ZNF17: variants seen among roughly 807,000 people sequenced by gnomAD.
ZNF17 encodes zinc finger protein 17, also known as zinc finger protein 17 (HPF3, KOX 10).
In ZNF17, 4 loss-of-function variants were observed where a neutral mutation model predicts 7.7. The ratio of observed to expected loss-of-function variants is 0.52; its 90% CI spans 0.26 to 1.20. ZNF17 has a LOEUF of 1.20. Ranked by LOEUF, ZNF17 falls within the 50% of genes most tolerant of loss-of-function variation. The pLI is 0.14. For synonymous variants in ZNF17, 249 were observed against 258.8 expected (o/e 0.96, Z 0.36); for missense variants, 738 against 799.5 (o/e 0.92, Z 0.93).
chr19:57,414,003 A>G (rs192775025), intron 2 of ZNF17, among the ~76,000 whole-genome samples: 1 of 152,032 alleles, frequency 6.6e-6, no homozygotes, highest in Non-Finnish European at 1.5e-5. Flanking sequence ...CAGGCATGGA[A>G]TGGCAGCCTG....
At chr19:57,418,641 A>G (rs1173627350) in intron 3 of ZNF17, among the ~76,000 whole-genome samples, 2 of 152,240 alleles carry the variant, frequency 1.3e-5, no homozygotes, top group South Asian at 4.2e-4. Flanking sequence ...ACATTACTCC[A>G]TTGAAGGCAA....
intron 3 of ZNF17, among the ~76,000 whole-genome samples, chr19:57,418,319 C>G (rs777579417): frequency 6.6e-6 from 1 of 152,294 alleles, no homozygotes; most frequent in Non-Finnish European, 1.5e-5. Context: ...TTAGTTTACT[C>G]TGTCCAAATG....
rs770720590 is a variant in ZNF17, at chr19:57,421,293, G to A, written c.1807G>A (p.Glu603Lys). Residue 603 changes from glutamate to lysine, a missense_variant, in exon 4 of 4, where the codon GAG (glutamate) becomes AAG (lysine). Physicochemically the swap from Glu to Lys is moderately conservative, Grantham distance 56. This residue lies in a region of ZNF17 where 116 missense variants were observed against 114.0 expected (regional missense o/e 1.02). Transcript: ENST00000307658. ...GGACAGCTCCACACTCATTAGTCAT[G>A]AGAGAGTTCATACTGGAGAAAAGCC... The part of the protein sequence containing the change: ...FMDSSTLISH[E>K]RVHTGEKPYE... 5 of 1,607,088 alleles carry A rather than the reference G, an allele frequency of 3.1e-6. No individual in the cohort carries two copies. Among genetic ancestry groups the A allele is most frequent in the Non-Finnish European group, 4.2e-6 (5 of 1,177,338 alleles).
chr19:57,420,284 C>G lies in ZNF17; in HGVS notation c.798C>G (p.His266Gln), dbSNP rs769495647. 6 of 1,613,992 alleles carry G rather than the reference C, an allele frequency of 3.7e-6. No individual in the cohort carries two copies. Among genetic ancestry groups the G allele is most frequent in the Non-Finnish European group, 5.1e-6 (6 of 1,180,002 alleles). ...AFSLKYNVVQ[H>Q]QKIHTGERPY... is the part of the protein sequence containing the mutation. Reference sequence around the variant, plus strand: ...GCCTCAAATACAATGTTGTTCAACACCAGAAAATTCACACTGGAGAAAGGC... The same window carrying G: ...GCCTCAAATACAATGTTGTTCAACAGCAGAAAATTCACACTGGAGAAAGGC... Residue 266 changes from histidine to glutamine, a missense_variant, in exon 4 of 4, where the codon CAC becomes CAG. His to Gln is a conservative substitution (Grantham distance 24). This residue lies in a region of ZNF17 where 616 missense variants were observed against 663.9 expected (regional missense o/e 0.93). Coordinates refer to ENST00000307658, the MANE Select transcript of ZNF17 (RefSeq NM_001330617.2).
In ZNF17 at chr19:57,421,290, C is replaced by T; in HGVS notation, c.1804C>T (p.His602Tyr). 6.2e-7 allele frequency: 1 copy of T among 1,614,044 alleles called. No homozygotes were observed. The change falls in exon 4 of 4, where the codon CAT becomes TAT. Residue 602 changes from histidine to tyrosine, a missense_variant. By Grantham distance (83) the His-to-Tyr change is moderately conservative. Around this residue, in one of 3 missense-constraint regions of ZNF17, gnomAD observed 116 missense variants for 114.0 expected, o/e 1.02. Coordinates refer to ENST00000307658, the MANE Select transcript of ZNF17 (RefSeq NM_001330617.2). Reference protein sequence around the residue: ...FFMDSSTLISHERVHTGEKPY... With the variant: ...FFMDSSTLISYERVHTGEKPY... ...TATGGACAGCTCCACACTCATTAGT[C>T]ATGAGAGAGTTCATACTGGAGAAAA...
intron 1 of ZNF17, among the ~76,000 whole-genome samples, chr19:57,412,210 C>T (rs1255127401): frequency 1.3e-5 from 2 of 152,144 alleles, no homozygotes; most frequent in Non-Finnish European, 2.9e-5. Flanking sequence ...TAGATTTCTG[C>T]ACCTGCAGAC....
intron 2 of ZNF17, 32 bp downstream of exon 2, chr19:57,413,668 T>C: frequency 1.3e-6 from 2 of 1,535,904 alleles, no homozygotes. Context: ...CTTTCACCCA[T>C]CCCAGATGGT....
intron 2 of ZNF17, among the ~76,000 whole-genome samples, chr19:57,413,844 T>A (rs2088794088): frequency 6.6e-6 from 1 of 152,150 alleles, no homozygotes; most frequent in African/African-American, 2.4e-5. Flanking sequence ...GTTTGAGATT[T>A]GGCAAGGCAT....
chr19:57,420,623 G>C lies in ZNF17; in HGVS notation c.1137G>C (p.Gln379His), dbSNP rs761608323. The change falls in exon 4 of 4, where the codon CAG becomes CAC. Residue 379 changes from glutamine to histidine, a missense_variant. Gln to His is a conservative substitution (Grantham distance 24). This residue lies in a region of ZNF17 where 616 missense variants were observed against 663.9 expected (regional missense o/e 0.93). Transcript: ENST00000307658. ...FMDSCTLIIH[Q>H]RVHTGEKPYE... The stretch of plus-strand genomic sequence containing the variant: ...ACAGCTGCACACTCATTATTCACCA[G>C]AGAGTTCATACTGGAGAAAAACCTT... 1.2e-6 allele frequency: 2 copies of C among 1,613,442 alleles called. No individual in the cohort carries two copies. The highest frequency in any genetic ancestry group is 1.7e-6 in the Non-Finnish European group (2 of 1,179,440).
At chr19:57,417,373 G>A (rs2088817241) in intron 2 of ZNF17, among the ~76,000 whole-genome samples, 1 of 152,120 alleles carries the variant, frequency 6.6e-6, no homozygotes, top group African/African-American at 2.4e-5. Flanking sequence ...CCCTCCTTTT[G>A]TGGTACAAGC....
chr19:57,411,210 T>G lies in ZNF17; in HGVS notation c.-217T>G. 1 of 839,536 alleles carries G rather than the reference T, an allele frequency of 1.2e-6. No individual in the cohort carries two copies. Among genetic ancestry groups the G allele is most frequent in the Non-Finnish European group, 1.8e-6 (1 of 553,394 alleles). 52.0% of individuals were successfully genotyped at this position (839,536 alleles called of 1,614,324 possible). A position where few individuals can be genotyped will look rare whatever the true frequency, so the allele number is the denominator to read the frequency against. On this transcript the variant is annotated 5_prime_UTR_variant, in exon 1 of 4. Coordinates refer to ENST00000307658, the MANE Select transcript of ZNF17 (RefSeq NM_001330617.2). ...ATGGCTGCGTTGGGATCTGTTCACC[T>G]TCAGGCTGAGTCGAGACTGAGGTGA... is the stretch of plus-strand genomic sequence containing the variant.
chr19:57,416,674 T>A (rs774008360), intron 2 of ZNF17, among the ~76,000 whole-genome samples: 29 of 151,684 alleles, frequency 1.9e-4, no homozygotes, highest in Middle Eastern at 6.8e-3. Flanking sequence ...CATGCCCGGC[T>A]AATTTTTGTA....
At chr19:57,412,699 C>T (rs965557382) in intron 1 of ZNF17, among the ~76,000 whole-genome samples, 1 of 152,168 alleles carries the variant, frequency 6.6e-6, no homozygotes, top group African/African-American at 2.4e-5. Context: ...ACGCCTCAGC[C>T]TCCCAAAGTG....
chr19:57,421,449 C>A lies in ZNF17; in HGVS notation c.1963C>A (p.Leu655Ile). Reference sequence around the variant, plus strand: ...AAGAGTCTTTAACCAAAATTCTCATCTCATTCAGCACCAGAAAGTTCACAC... The same window carrying A: ...AAGAGTCTTTAACCAAAATTCTCATATCATTCAGCACCAGAAAGTTCACAC... ...CGRVFNQNSH[L>I]IQHQKVHTR Residue 655 changes from leucine to isoleucine, a missense_variant, in exon 4 of 4, where the codon CTC becomes ATC. Leu to Ile is a conservative substitution (Grantham distance 5, BLOSUM62 2). Transcript: ENST00000307658. 1 of 1,611,180 alleles carries A rather than the reference C, an allele frequency of 6.2e-7. No individual in the cohort carries two copies. Among genetic ancestry groups the A allele is most frequent in the Non-Finnish European group, 8.5e-7 (1 of 1,178,422 alleles).
chr19:57,414,461 A>G (rs532388267), intron 2 of ZNF17, among the ~76,000 whole-genome samples: 47 of 151,614 alleles, frequency 3.1e-4, no homozygotes, highest in Non-Finnish European at 6.0e-4. Flanking sequence ...CAGCCTTCCA[A>G]GTAGCTGGGA....
intron 3 of ZNF17, among the ~76,000 whole-genome samples, chr19:57,418,404 G>A (rs550185591): frequency 4.6e-5 from 7 of 152,176 alleles, no homozygotes; most frequent in Non-Finnish European, 1.5e-5. Flanking sequence ...AGGAATTTCA[G>A]GGACCTACCT....
chr19:57,420,924 T>G lies in ZNF17; in HGVS notation c.1438T>G (p.Phe480Val). ...RPYECSECGKFFVDSCTLKSH... is the reference protein window; with the variant it reads ...RPYECSECGKVFVDSCTLKSH... ...TTATGAATGCAGTGAATGTGGCAAA[T>G]TCTTTGTGGACAGCTGTACACTGAA... The change falls in exon 4 of 4, where the codon TTC becomes GTC. Residue 480 changes from phenylalanine (F) to valine (V), a missense_variant. Physicochemically the swap from Phe to Val is conservative, Grantham distance 50. Coordinates refer to ENST00000307658, the MANE Select transcript of ZNF17 (RefSeq NM_001330617.2). 6.2e-7 allele frequency: 1 copy of G among 1,613,152 alleles called. No individual in the cohort carries two copies. Among genetic ancestry groups the G allele is most frequent in the Non-Finnish European group, 8.5e-7 (1 of 1,179,684 alleles).
chr19:57,413,609 G>A lies in ZNF17; in HGVS notation c.-7G>A. On this transcript the variant is annotated 5_prime_UTR_variant, in exon 2 of 4. Coordinates refer to ENST00000307658, the MANE Select transcript of ZNF17 (RefSeq NM_001330617.2). ...CTCTTCCCACAGGGTTCATAGCAGTGGCAGCAATGCTTATGGATGCTGGAC... is the reference window on the plus strand; with the variant it reads ...CTCTTCCCACAGGGTTCATAGCAGTAGCAGCAATGCTTATGGATGCTGGAC... 9 of 1,536,068 alleles carry A rather than the reference G, an allele frequency of 5.9e-6. No individual in the cohort carries two copies. The highest frequency in any genetic ancestry group is 7.8e-6 in the Non-Finnish European group (9 of 1,146,906).
At position 57,421,428 on chromosome 19, in the gene ZNF17, G is replaced by T; in HGVS notation, c.1942G>T (p.Val648Phe). Residue 648 changes from valine (V) to phenylalanine (F), a missense_variant, in exon 4 of 4, where the codon GTC becomes TTC. Val to Phe is a conservative substitution (Grantham distance 50). Transcript: ENST00000307658. ...TTATCAGTGCAGTGAATGTGGAAGAGTCTTTAACCAAAATTCTCATCTCAT... is the reference window on the plus strand; with the variant it reads ...TTATCAGTGCAGTGAATGTGGAAGATTCTTTAACCAAAATTCTCATCTCAT... Reference protein sequence around the residue: ...RPYQCSECGRVFNQNSHLIQH... With the variant: ...RPYQCSECGRFFNQNSHLIQH... 1 of 1,613,052 alleles carries T rather than the reference G, an allele frequency of 6.2e-7. No homozygotes were observed.
Sources: gnomAD v4.1 joint callset for allele counts (sites outside exome capture counted in the v4.1 genomes callset) on GRCh38, gnomAD v4.1.1 for gene constraint, gnomAD v4.1.1 regional missense constraint, MANE v1.5 for transcripts, NCBI Gene and HGNC (gene_info 2026-07-23, HGNC 2026-07-21) for gene names.